The following AXDND1 variants were observed in gnomAD, a reference collection of about 807,000 sequenced individuals.
The protein encoded by AXDND1 is axonemal dynein light chain domain containing 1, also known as axonemal dynein light chain domain-containing protein 1.
A neutral mutation model predicts 137.5 loss-of-function variants in AXDND1; 110 were observed. That is an observed-to-expected ratio of 0.80 (90% confidence interval 0.69 to 0.94). The LOEUF (loss-of-function observed/expected upper bound fraction) is 0.94. Among genes scored for constraint, AXDND1 ranks in the 40% least tolerant of loss-of-function variants. The probability of loss-of-function intolerance (pLI) is 0.00; values close to 1 mark genes in which losing one functional copy is unlikely to be tolerated. For synonymous variants in AXDND1, 414 were observed against 399.7 expected, an observed-to-expected ratio of 1.04 and a Z score of -0.43; for missense variants, 1,191 against 1,169.8, an observed-to-expected ratio of 1.02 and a Z score of -0.26.
intron 6 of AXDND1, among the ~76,000 whole-genome samples, chr1:179,379,900 A>C (rs1258168187): frequency 1.3e-5 from 2 of 152,096 alleles, no homozygotes; most frequent in African/African-American, 4.8e-5. Flanking sequence ...ATTCCTGAGC[A>C]ATATATAAAC....
Position 179,534,904 on chromosome 1 carries a change from A to G in AXDND1, c.2973A>G (p.Glu991=), listed in dbSNP as rs1332752085. 10 of 1,515,126 alleles carry G rather than the reference A, an allele frequency of 6.6e-6. No individual in the cohort carries two copies. The Admixed American group carries it at 9.0e-5, about 14-fold the overall frequency. The allele number at this position is 1,515,126 out of a possible 1,614,324, so 93.9% of individuals were successfully genotyped here. A position where few individuals can be genotyped will look rare whatever the true frequency, so the allele number is the denominator to read the frequency against. Residue 991 remains glutamate, a synonymous_variant, in exon 25 of 26, where the codon GAA becomes GAG. Transcript: ENST00000367618. ...QDEREVKEEE[E]QQEEEEVRSA... is the part of the protein sequence containing the mutation. ...AAAGAGAAGTAAAAGAAGAAGAAGA[A>G]CAACAAGAAGAAGAAGAAGTCAGGT...
chr1:179,536,230 T>G (rs1031879589), intron 25 of AXDND1, among the ~76,000 whole-genome samples: 5 of 152,224 alleles, frequency 3.3e-5, no homozygotes, highest in African/African-American at 1.2e-4. Context: ...ATCCCATTTG[T>G]CTCTTTTGGC....
intron 17 of AXDND1, among the ~76,000 whole-genome samples, chr1:179,479,758 C>T (rs757264848): frequency 1.2e-4 from 18 of 151,756 alleles, no homozygotes; most frequent in South Asian, 2.1e-4. Context: ...GCCTGGGCGA[C>T]GGAGTGAGAC....
chr1:179,489,399 A>T (rs555874397), intron 18 of AXDND1, among the ~76,000 whole-genome samples: 1 of 152,326 alleles, frequency 6.6e-6, no homozygotes, highest in African/African-American at 2.4e-5. Context: ...TTTCCTAAGG[A>T]TAGTCCAAGG....
At chr1:179,529,797 T>C (rs1295418869) in intron 23 of AXDND1, among the ~76,000 whole-genome samples, 1 of 152,218 alleles carries the variant, frequency 6.6e-6, no homozygotes, top group Non-Finnish European at 1.5e-5. Context: ...AAGACAGCTT[T>C]GCAAGGCCAC....
Position 179,511,420 on chromosome 1 carries a change from GTGTA to G in AXDND1, c.2496+2019_2496+2022del, listed in dbSNP as rs902558317. ...TGTGTGTGTGTGTGTGTGTGTGTGT[GTGTA>G]TATGTATATACACCACAGATTTTTA... On this transcript the variant is annotated intron_variant, in intron 21 of 25. Transcript: ENST00000367618. Among the ~76,000 whole-genome samples, 129 of 150,496 alleles carry G rather than the reference GTGTA, an allele frequency of 8.6e-4. 1 individual carries two copies. The highest frequency in any genetic ancestry group is 2.2e-3 in the African/African-American group (91 of 40,976).
intron 9 of AXDND1, among the ~76,000 whole-genome samples, chr1:179,387,522 G>A (rs1212316197): frequency 2.0e-5 from 3 of 152,198 alleles, no homozygotes; most frequent in Non-Finnish European, 2.9e-5. Flanking sequence ...TAGTTATGAG[G>A]GGAGAAACAT....
chr1:179,378,888 T>A, intron 5 of AXDND1, 131 bp downstream of exon 5: 1 of 693,384 alleles, frequency 1.4e-6, no homozygotes, highest in Non-Finnish European at 2.0e-6. Context: ...TGCTCACCAA[T>A]CTTCATAGCA....
At chr1:179,419,459 C>G (rs1051107522) in intron 12 of AXDND1, among the ~76,000 whole-genome samples, 33 of 148,942 alleles carry the variant, frequency 2.2e-4, no homozygotes, top group Non-Finnish European at 3.9e-4. Flanking sequence ...CAAAAAAATA[C>G]GAAAACCAGT....
intron 20 of AXDND1, among the ~76,000 whole-genome samples, chr1:179,508,233 G>A (rs1668708109): frequency 6.6e-6 from 1 of 151,956 alleles, no homozygotes; most frequent in Admixed American, 6.6e-5. Context: ...CTACTTGGGA[G>A]GCTGAGGTGG....
intron 21 of AXDND1, among the ~76,000 whole-genome samples, chr1:179,514,044 TTTTG>T (rs898485775): frequency 5.9e-5 from 9 of 152,156 alleles, no homozygotes; most frequent in African/African-American, 2.2e-4. Flanking sequence ...TTTGTATTTT[TTTTG>T]TTTGTTTATT....
At position 179,378,675 on chromosome 1, in the gene AXDND1, G is replaced by A; in HGVS notation, c.413G>A (p.Gly138Glu). The A allele has an allele frequency of 6.3e-7, 1 of 1,596,566 alleles. No homozygotes were observed. Among genetic ancestry groups the A allele is most frequent in the Non-Finnish European group, 8.5e-7 (1 of 1,169,670 alleles). ...CTGTACGATGTAACATATGCCAAAG[G>A]ACAGACTAGGGAGAAGGCAGTTTGT... ...SFLYDVTYAK[G>E]QTREKAVCPP... is the part of the protein sequence containing the mutation. The change falls in exon 5 of 26, where the codon GGA (glycine) becomes GAA (glutamate). Residue 138 changes from glycine (G) to glutamate (E), a missense_variant. Physicochemically the swap from Gly to Glu is moderately conservative, Grantham distance 98 (BLOSUM62 -2). Transcript: ENST00000367618.
chr1:179,450,117 C>T (rs1250996955), intron 16 of AXDND1: 1 of 150,904 alleles, frequency 6.6e-6, no homozygotes, highest in Admixed American at 6.7e-5. Flanking sequence ...GATTCTCCTG[C>T]CCCAGCTTGA....
At chr1:179,405,961 A>G (rs895038764) in intron 11 of AXDND1, among the ~76,000 whole-genome samples, 3 of 151,848 alleles carry the variant, frequency 2.0e-5, no homozygotes, top group African/African-American at 7.3e-5. Flanking sequence ...AACAATCATT[A>G]GGTTGTTTAT....
rs1667408094 is a variant in AXDND1 at position 179,366,402 on chromosome 1, A to G, written c.-106-2A>G. 1 of 746,132 alleles carries G rather than the reference A, an allele frequency of 1.3e-6. No individual in the cohort carries two copies. The highest frequency in any genetic ancestry group is 2.4e-5 in the Admixed American group (1 of 42,120). 46.2% of individuals were successfully genotyped at this position (746,132 alleles called of 1,614,324 possible). On this transcript the variant is annotated splice_acceptor_variant, in intron 1 of 25. Coordinates refer to ENST00000367618, the MANE Select transcript of AXDND1 (RefSeq NM_144696.6). LOFTEE classifies it low-confidence loss of function (5UTR_SPLICE). ...TTTAAATCTTTTTTCCTCTGCCTGC[A>G]GGACTATGTGGCAGCCTGCAAGTCC... is the stretch of plus-strand genomic sequence containing the variant.
intron 14 of AXDND1, among the ~76,000 whole-genome samples, chr1:179,431,594 T>C (rs928158085): frequency 4.6e-5 from 7 of 152,008 alleles, no homozygotes; most frequent in African/African-American, 1.5e-4. Flanking sequence ...AGATGCTTTG[T>C]CTGTTAGGTA....
In AXDND1 at chr1:179,370,088, G is replaced by A; in HGVS notation, c.374+10G>A. ...TCACAGGAGCTGGAAGGTAAAGAAG[G>A]AAGATAGTAGGATAGATGCTGATAA... On this transcript the variant is annotated intron_variant, in intron 4 of 25. Transcript: ENST00000367618. The A allele has an allele frequency of 6.3e-7, 1 of 1,585,486 alleles. No homozygotes were observed. The highest frequency in any genetic ancestry group is 8.7e-7 in the Non-Finnish European group (1 of 1,155,156).
chr1:179,388,951 T>A (rs534754445), intron 9 of AXDND1, among the ~76,000 whole-genome samples: 1 of 150,986 alleles, frequency 6.6e-6, no homozygotes, highest in Non-Finnish European at 1.5e-5. Context: ...ATATAATAAT[T>A]TTATTGCTTA....
intron 11 of AXDND1, among the ~76,000 whole-genome samples, chr1:179,407,528 T>C (rs1309680924): frequency 6.6e-6 from 1 of 152,132 alleles, no homozygotes; most frequent in Non-Finnish European, 1.5e-5. Context: ...CCTGGCCTCT[T>C]TTTTTCCTTT....
Sources: gnomAD v4.1 joint callset for allele counts (sites outside exome capture counted in the v4.1 genomes callset) on GRCh38, gnomAD v4.1.1 for gene constraint, MANE v1.5 for transcripts, NCBI Gene and HGNC (gene_info 2026-07-23, HGNC 2026-07-21) for gene names.